The following METAP2 variants were observed in gnomAD, a reference collection of about 807,000 sequenced individuals.
METAP2 encodes the protein methionine aminopeptidase 2.
Under a neutral mutation model 59.4 loss-of-function variants are expected in METAP2, and 25 were observed. The observed-to-expected ratio is 0.42, with a 90% CI of 0.31 to 0.59. The LOEUF (loss-of-function observed/expected upper bound fraction) is 0.59. Among genes scored for constraint, METAP2 ranks in the 20% least tolerant of loss-of-function variants. The pLI, the probability that METAP2 is intolerant of heterozygous loss-of-function variation, is 0.16. For missense variants in METAP2, 366 were observed against 581.2 expected (o/e 0.63, Z 3.81); for synonymous variants, 214 against 194.1 (o/e 1.10, Z -0.85).
chr12:95,510,220 C>T (rs1424241280), intron 8 of METAP2, among the ~76,000 whole-genome samples: 4 of 152,204 alleles, frequency 2.6e-5, no homozygotes, highest in Admixed American at 6.5e-5. Flanking sequence ...GCAGAAGCTA[C>T]GTAACCTCAC....
intron 2 of METAP2, 136 bp downstream of exon 2, chr12:95,476,314 C>G: frequency 2.1e-6 from 1 of 479,570 alleles, no homozygotes; most frequent in Admixed American, 4.0e-5. Context: ...CGAGACCAGC[C>G]TGGCCAACAT....
intron 4 of METAP2, 150 bp downstream of exon 4, chr12:95,486,131 C>A: frequency 3.5e-6 from 2 of 570,332 alleles, no homozygotes; most frequent in South Asian, 2.4e-5. Flanking sequence ...GCCCTCTTAT[C>A]CAAAATGATT....
At chr12:95,502,549 TG>T (rs1227293160) in intron 7 of METAP2, among the ~76,000 whole-genome samples, 1 of 151,996 alleles carries the variant, frequency 6.6e-6, no homozygotes, top group Admixed American at 6.6e-5. Context: ...TTTGTGTGTG[TG>T]TGTGGGGGGG....
intron 4 of METAP2, among the ~76,000 whole-genome samples, chr12:95,486,871 C>T (rs758584394): frequency 5.3e-5 from 8 of 152,256 alleles, no homozygotes; most frequent in Admixed American, 2.6e-4. Flanking sequence ...ACAAATTCAC[C>T]TGATTCTTCA....
chr12:95,500,597 G>A (rs185040378), intron 7 of METAP2, among the ~76,000 whole-genome samples: 54 of 152,282 alleles, frequency 3.5e-4, no homozygotes, highest in Non-Finnish European at 5.6e-4. Context: ...CATCATGAAA[G>A]GGTGTTGAAT....
Position 95,495,007 on chromosome 12 carries a change from A to T in METAP2, c.641A>T (p.Asn214Ile). ...SRKLIKENGL[N>I]AGLAFPTGCS... ...AAGTTAATAAAAGAGAATGGATTAA[A>T]TGCAGGCCTGGCATTTCCTACTGGA... Residue 214 changes from asparagine to isoleucine, a missense_variant, in exon 6 of 11, where the codon AAT becomes ATT. Asn to Ile is a moderately radical substitution (Grantham distance 149). This residue lies in a region of METAP2 where 106 missense variants were observed against 221.9 expected (regional missense o/e 0.48). Transcript: ENST00000323666. The T allele has an allele frequency of 6.2e-7, 1 of 1,613,828 alleles. No individual in the cohort carries two copies. The highest frequency in any genetic ancestry group is 1.1e-5 in the South Asian group (1 of 91,052).
chr12:95,479,959 T>A (rs1350377657), intron 2 of METAP2, among the ~76,000 whole-genome samples: 6 of 152,228 alleles, frequency 3.9e-5, no homozygotes, highest in Admixed American at 3.3e-4. Flanking sequence ...TGACAAAGTA[T>A]GCAATTGTGT....
chr12:95,513,534 A>G, intron 10 of METAP2, 118 bp from the exon 11 acceptor site: 1 of 1,160,128 alleles, frequency 8.6e-7, no homozygotes, highest in South Asian at 1.5e-5. Context: ...AAAGAGCAAC[A>G]ATAAAAGTTT....
At chr12:95,505,746 C>T (rs75606653) in intron 8 of METAP2, among the ~76,000 whole-genome samples, 5 of 151,924 alleles carry the variant, frequency 3.3e-5, no homozygotes, top group South Asian at 2.1e-4. Flanking sequence ...CCGCCCACCT[C>T]GGCCTCCCGA....
intron 2 of METAP2, among the ~76,000 whole-genome samples, chr12:95,480,899 T>G (rs1310202448): frequency 6.6e-6 from 1 of 152,206 alleles, no homozygotes; most frequent in Non-Finnish European, 1.5e-5. Flanking sequence ...TTGTGTCCTG[T>G]CTAAAAAGTT....
intron 8 of METAP2, among the ~76,000 whole-genome samples, chr12:95,509,504 TGTTGGG>T (rs2076385665): frequency 6.6e-6 from 1 of 152,208 alleles, no homozygotes; most frequent in Non-Finnish European, 1.5e-5. Flanking sequence ...GGCAGGCAGT[TGTTGGG>T]CAGATGTCCT....
At chr12:95,476,013 T>C (rs1376546786) in intron 1 of METAP2, 58 bp from the exon 2 acceptor site, 4 of 994,310 alleles carry the variant, frequency 4.0e-6, no homozygotes, top group Non-Finnish European at 6.1e-6. Context: ...CATTAGAGCA[T>C]ATTCTAGTGG....
At chr12:95,476,019 A>C (rs1402370269) in intron 1 of METAP2, 52 bp from the exon 2 acceptor site, 8 of 1,053,426 alleles carry the variant, frequency 7.6e-6, no homozygotes, top group African/African-American at 1.6e-5. Context: ...AGCATATTCT[A>C]GTGGGAAAGT....
chr12:95,485,775 T>A, intron 3 of METAP2, 104 bp from the exon 4 acceptor site: 1 of 745,738 alleles, frequency 1.3e-6, no homozygotes, highest in East Asian at 3.0e-5. Flanking sequence ...AGGAGTTTCC[T>A]TAAAATCAGA....
chr12:95,477,866 C>A (rs576973089), intron 2 of METAP2, among the ~76,000 whole-genome samples: 14 of 152,282 alleles, frequency 9.2e-5, no homozygotes, highest in Admixed American at 6.5e-5. Context: ...TTTTCCTCTT[C>A]CTTAAACCTC....
At chr12:95,503,553 T>C (rs2076332331) in intron 7 of METAP2, among the ~76,000 whole-genome samples, 1 of 152,096 alleles carries the variant, frequency 6.6e-6, no homozygotes, top group Admixed American at 6.5e-5. Context: ...GCAACAACAG[T>C]GGCCACTTCT....
intron 4 of METAP2, among the ~76,000 whole-genome samples, chr12:95,492,671 TC>T (rs768635663): frequency 4.6e-5 from 7 of 152,184 alleles, no homozygotes; most frequent in Non-Finnish European, 1.0e-4. Context: ...GCTCAAGTGA[TC>T]CTCTTGCCTC....
In METAP2 at chr12:95,481,101, A is replaced by T. The variant is rs118187966; in HGVS notation, c.260-2114A>T. 7.0e-4 allele frequency among the ~76,000 whole-genome samples: 107 copies of T among 152,354 alleles called. 2 individuals carry two copies. The South Asian group carries it at 0.014, about 20-fold the overall frequency. On this transcript the variant is annotated intron_variant, in intron 2 of 10. Coordinates refer to ENST00000323666, the MANE Select transcript of METAP2 (RefSeq NM_006838.4). ...TTCCAGTTGTCATTCAACAGATATCAACTGATTTGGGCATAGTAGTAACAC... is the reference window on the plus strand; with the variant it reads ...TTCCAGTTGTCATTCAACAGATATCTACTGATTTGGGCATAGTAGTAACAC...
chr12:95,514,066 A>G lies in METAP2; in HGVS notation c.*162A>G. On this transcript the variant is annotated 3_prime_UTR_variant, in exon 11 of 11. Coordinates refer to ENST00000323666, the MANE Select transcript of METAP2 (RefSeq NM_006838.4). ...GAATTTGGACAAAGGCAAACCGTCT[A>G]ATGTAATTAACCAACGAAAAAGCTT... The G allele has an allele frequency of 2.4e-6, 2 of 823,388 alleles. No homozygotes were observed. The highest frequency in any genetic ancestry group is 2.6e-5 in the South Asian group (1 of 38,246). 51.0% of individuals were successfully genotyped at this position (823,388 alleles called of 1,614,324 possible).
Sources: allele counts gnomAD v4.1 joint callset (sites outside exome capture counted in the v4.1 genomes callset), GRCh38; gene constraint gnomAD v4.1.1; regional missense constraint gnomAD v4.1.1; transcripts MANE v1.5; gene names NCBI Gene and HGNC (gene_info 2026-07-23, HGNC 2026-07-21).